SRP54: variants seen among roughly 807,000 people sequenced by gnomAD.
SRP54 encodes the protein signal recognition particle 54.
Under a neutral mutation model 64.8 loss-of-function variants are expected in SRP54, and 10 were observed. The ratio of observed to expected loss-of-function variants is 0.15; its 90% confidence interval spans 0.10 to 0.26. The LOEUF (loss-of-function observed/expected upper bound fraction) is 0.26, where lower values mean the gene tolerates loss of function less well. Ranked by LOEUF, SRP54 falls within the 10% of genes least tolerant of loss-of-function variation. The probability of loss-of-function intolerance (pLI) is 1.00; values close to 1 mark genes in which losing one functional copy is unlikely to be tolerated. For missense variants in SRP54, 325 were observed against 613.7 expected (o/e 0.53, Z 4.97); for synonymous variants, 193 against 185.6 (o/e 1.04, Z -0.32).
intron 13 of SRP54, among the ~76,000 whole-genome samples, chr14:35,020,546 A>G (rs535213793): frequency 2.5e-4 from 38 of 152,148 alleles, no homozygotes; most frequent in Non-Finnish European, 4.3e-4. Flanking sequence ...AATTTGAACA[A>G]TTTTTCATAT....
chr14:35,010,174 A>G (rs1336583608), intron 7 of SRP54, among the ~76,000 whole-genome samples: 1 of 151,976 alleles, frequency 6.6e-6, no homozygotes, highest in African/African-American at 2.4e-5. Context: ...TAGGCCGGGC[A>G]CAGTGGCTCA....
At chr14:34,998,236 G>A (rs550243705) in intron 2 of SRP54, among the ~76,000 whole-genome samples, 24 of 152,192 alleles carry the variant, frequency 1.6e-4, no homozygotes, top group South Asian at 1.2e-3. Flanking sequence ...GAGATACAGC[G>A]GTGAACAAAA....
chr14:34,991,372 C>G, intron 1 of SRP54, among the ~76,000 whole-genome samples: 1 of 151,802 alleles, frequency 6.6e-6, no homozygotes, highest in Non-Finnish European at 1.5e-5. Flanking sequence ...TCAGGCAATC[C>G]ACTCACCTCG....
chr14:34,987,743 C>G (rs537168069), intron 1 of SRP54, among the ~76,000 whole-genome samples: 1 of 152,114 alleles, frequency 6.6e-6, no homozygotes, highest in Non-Finnish European at 1.5e-5. Context: ...TCTGACCATT[C>G]ATGTACAAGT....
chr14:35,012,941 G>GTT (rs761844773), intron 8 of SRP54, among the ~76,000 whole-genome samples: 20,820 of 118,278 alleles, frequency 0.18, 2,430 homozygotes, highest in East Asian at 0.34. Flanking sequence ...AAATGTTGTA[G>GTT]TTTTTTTTTT....
At chr14:34,989,998 A>G (rs1012782561) in intron 1 of SRP54, among the ~76,000 whole-genome samples, 1 of 152,174 alleles carries the variant, frequency 6.6e-6, no homozygotes, top group Non-Finnish European at 1.5e-5. Context: ...ATTTGAATCT[A>G]AGTCTGTCAG....
At chr14:35,016,446 GTC>G (rs2044439198) in intron 11 of SRP54, among the ~76,000 whole-genome samples, 1 of 152,122 alleles carries the variant, frequency 6.6e-6, no homozygotes, top group Admixed American at 6.6e-5. Context: ...GTACATTCCT[GTC>G]TCTCACATCT....
At chr14:35,014,853 C>G (rs1389802839) in intron 11 of SRP54, 23 bp downstream of exon 11, 4 of 1,541,234 alleles carry the variant, frequency 2.6e-6, no homozygotes, top group Non-Finnish European at 3.5e-6. Flanking sequence ...CAAAAAAGCA[C>G]TTCATCTCAG....
At position 35,019,025 on chromosome 14, in the gene SRP54, G is replaced by T; in HGVS notation, c.1107G>T (p.Met369Ile). ...FMSKGNEQES[M>I]ARLKKLMTIM... ...GCAAAGGAAATGAACAGGAGTCAAT[G>T]GCAAGGCTAAAGAAATTAATGACAA... Residue 369 changes from methionine (M) to isoleucine (I), a missense_variant, in exon 13 of 16, where the codon ATG (methionine) becomes ATT (isoleucine). By Grantham distance (10) the Met-to-Ile change is conservative. Transcript: ENST00000216774. 6.2e-7 allele frequency: 1 copy of T among 1,613,778 alleles called. No homozygotes were observed. The highest frequency in any genetic ancestry group is 1.1e-5 in the South Asian group (1 of 91,050).
chr14:34,989,796 A>G (rs1353182605), intron 1 of SRP54, among the ~76,000 whole-genome samples: 2 of 152,116 alleles, frequency 1.3e-5, no homozygotes, highest in African/African-American at 4.8e-5. Flanking sequence ...AAAAAAAGAA[A>G]GGAAGTTAAT....
chr14:35,001,298 T>A (rs1326049388), intron 4 of SRP54, among the ~76,000 whole-genome samples: 1 of 150,922 alleles, frequency 6.6e-6, no homozygotes, highest in Non-Finnish European at 1.5e-5. Flanking sequence ...ATTACAGACG[T>A]GCACCACCAT....
chr14:35,018,484 T>G, intron 11 of SRP54: 1 of 492,506 alleles, frequency 2.0e-6, no homozygotes, highest in Admixed American at 3.9e-5. Context: ...GAATGTAAGC[T>G]TCTCTATGAT....
intron 13 of SRP54, among the ~76,000 whole-genome samples, chr14:35,019,901 C>T (rs147230412): frequency 4.7e-4 from 72 of 152,254 alleles, no homozygotes; most frequent in African/African-American, 1.4e-3. Context: ...GATTGTTGGC[C>T]GGGCGCAGTG....
intron 1 of SRP54, among the ~76,000 whole-genome samples, chr14:34,983,467 T>G (rs1055872086): frequency 2.0e-5 from 3 of 152,372 alleles, no homozygotes; most frequent in Non-Finnish European, 4.4e-5. Context: ...CAGGCCTGAG[T>G]CTTCGTTTTG....
Position 35,008,858 on chromosome 14 carries a change from C to T in SRP54, c.485+27C>T, listed in dbSNP as rs765955849. 6 of 1,232,464 alleles carry T rather than the reference C, an allele frequency of 4.9e-6. No homozygotes were observed. The South Asian group carries it at 5.3e-5, about 11-fold the overall frequency. 76.3% of individuals were successfully genotyped at this position (1,232,464 alleles called of 1,614,324 possible). A position where few individuals can be genotyped will look rare whatever the true frequency, so the allele number is the denominator to read the frequency against. ...TAGGTTACTGTTTTTTATTTTAACACTTATATCCCTCTTCTTGTCTGTCAG... is the reference window on the plus strand; with the variant it reads ...TAGGTTACTGTTTTTTATTTTAACATTTATATCCCTCTTCTTGTCTGTCAG... On this transcript the variant is annotated intron_variant, in intron 7 of 15. Coordinates refer to ENST00000216774, the MANE Select transcript of SRP54 (RefSeq NM_003136.4).
At chr14:35,016,142 A>G in intron 11 of SRP54, among the ~76,000 whole-genome samples, 1 of 152,000 alleles carries the variant, frequency 6.6e-6, no homozygotes, top group African/African-American at 2.4e-5. Flanking sequence ...CAACTATGCT[A>G]GTTCATCTCT....
chr14:35,009,079 G>T (rs1362365089), intron 7 of SRP54, among the ~76,000 whole-genome samples: 3 of 151,766 alleles, frequency 2.0e-5, no homozygotes, highest in African/African-American at 7.3e-5. Flanking sequence ...GTAGAGACAG[G>T]GTTTTACCAT....
rs1372808777 is a variant in SRP54, at chr14:35,013,827, A to G, written c.811A>G (p.Ile271Val). ...SAVAATKSPI[I>V]FIGTGEHIDD... is the part of the protein sequence containing the mutation. ...AGTCGCTGCCACAAAAAGTCCGATTATTTTCATTGGTACAGGGGAACATAT... is the reference window on the plus strand; with the variant it reads ...AGTCGCTGCCACAAAAAGTCCGATTGTTTTCATTGGTACAGGGGAACATAT... The change falls in exon 10 of 16, where the codon ATT (isoleucine) becomes GTT (valine). Residue 271 changes from isoleucine (I) to valine (V), a missense_variant. Around this residue, in one of 3 missense-constraint regions of SRP54, gnomAD observed 146 missense variants for 337.4 expected, o/e 0.43. Coordinates refer to ENST00000216774, the MANE Select transcript of SRP54 (RefSeq NM_003136.4). 2.5e-6 allele frequency: 4 copies of G among 1,610,322 alleles called. No homozygotes were observed. The African/African-American group carries it at 5.4e-5, about 22-fold the overall frequency.
chr14:35,006,711 C>T (rs1214758189), intron 4 of SRP54, among the ~76,000 whole-genome samples: 2 of 152,244 alleles, frequency 1.3e-5, no homozygotes, highest in South Asian at 4.1e-4. Context: ...TTTGGTTTCA[C>T]ATTTTATACT....
Sources: allele counts gnomAD v4.1 joint callset (sites outside exome capture counted in the v4.1 genomes callset), GRCh38; gene constraint gnomAD v4.1.1; regional missense constraint gnomAD v4.1.1; transcripts MANE v1.5; gene names NCBI Gene and HGNC (gene_info 2026-07-23, HGNC 2026-07-21).